Variants in AFF2 observed in about 807,000 individuals in gnomAD.
The protein encoded by AFF2 is ALF transcription elongation factor 2.
Under a neutral mutation model 76.9 loss-of-function variants are expected in AFF2, and 14 were observed. That is an observed-to-expected ratio of 0.18 (90% CI 0.12 to 0.28). The LOEUF is 0.28. Among genes scored for constraint, AFF2 ranks in the 10% least tolerant of loss-of-function variants. The pLI is 1.00. For synonymous variants in AFF2, 398 were observed against 366.7 expected (o/e 1.09, Z -0.98); for missense variants, 868 against 1,001.1 (o/e 0.87, Z 1.79).
chrX:148,647,007 T>C (rs1166536468), intron 1 of AFF2, among the ~76,000 whole-genome samples: 1 of 112,249 alleles, frequency 8.9e-6, no homozygotes, highest in Non-Finnish European at 1.9e-5. Flanking sequence ...AGAAGTTATG[T>C]AGAGATTAGA....
At chrX:148,692,004 A>T (rs782472443) in intron 3 of AFF2, among the ~76,000 whole-genome samples, 1 of 106,520 alleles carries the variant, frequency 9.4e-6, no homozygotes, top group East Asian at 3.0e-4. Context: ...ACTTGAGATT[A>T]TTAGTTTAAA....
chrX:148,845,256 TC>T (rs782275545), intron 7 of AFF2, among the ~76,000 whole-genome samples: 1 of 111,433 alleles, frequency 9.0e-6, no homozygotes, highest in East Asian at 2.8e-4. Context: ...AGTATTAGGC[TC>T]CCACTGTGAA....
intron 18 of AFF2, among the ~76,000 whole-genome samples, chrX:148,979,064 A>T (rs1221002866): frequency 8.9e-6 from 1 of 112,057 alleles, no homozygotes; most frequent in Non-Finnish European, 1.9e-5. Flanking sequence ...CCAGGTAAAA[A>T]TTGCAAACAG....
chrX:148,580,684 G>C (rs781903749), intron 1 of AFF2, among the ~76,000 whole-genome samples: 2 of 109,444 alleles, frequency 1.8e-5, no homozygotes, highest in East Asian at 5.8e-4. Flanking sequence ...TTGAAGTTAG[G>C]CACATTTTTG....
At chrX:148,882,482 C>T (rs2071109039) in intron 7 of AFF2, among the ~76,000 whole-genome samples, 1 of 111,959 alleles carries the variant, frequency 8.9e-6, no homozygotes, top group Non-Finnish European at 1.9e-5. Context: ...AGACAACAGA[C>T]TTCACTAAGG....
At chrX:148,527,451 A>G (rs1042498859) in intron 1 of AFF2, among the ~76,000 whole-genome samples, 2 of 111,773 alleles carry the variant, frequency 1.8e-5, no homozygotes, top group African/African-American at 6.5e-5. Context: ...CTTTTTTTCT[A>G]TAAAGTATAT....
chrX:148,818,319 T>C (rs782253223), intron 4 of AFF2, among the ~76,000 whole-genome samples: 1 of 112,126 alleles, frequency 8.9e-6, no homozygotes, highest in Non-Finnish European at 1.9e-5. Flanking sequence ...CAAGCAACTA[T>C]AAGATGTAAT....
intron 16 of AFF2, among the ~76,000 whole-genome samples, 163 bp from the exon 17 acceptor site, chrX:148,977,770 G>A (rs1232337246): frequency 9.0e-6 from 1 of 111,222 alleles, no homozygotes; most frequent in Non-Finnish European, 1.9e-5. Context: ...CTCATTTTGT[G>A]TATGTTTTCG....
At chrX:148,528,958 C>T (rs1446081162) in intron 1 of AFF2, among the ~76,000 whole-genome samples, 3 of 110,960 alleles carry the variant, frequency 2.7e-5, no homozygotes, top group Non-Finnish European at 5.7e-5. Context: ...TGATTTAATG[C>T]GGATAAGTTA....
intron 3 of AFF2, among the ~76,000 whole-genome samples, chrX:148,727,561 A>G (rs942559801): frequency 4.5e-5 from 5 of 111,815 alleles, no homozygotes; most frequent in Non-Finnish European, 9.4e-5. Context: ...ACTGTCTCAT[A>G]GATTCTCACA....
intron 3 of AFF2, among the ~76,000 whole-genome samples, chrX:148,764,309 C>T (rs2124590541): frequency 8.9e-6 from 1 of 112,255 alleles, no homozygotes; most frequent in Non-Finnish European, 1.9e-5. Flanking sequence ...TAAGAGAGGA[C>T]ACTTATGCTG....
At position 148,816,997 on chromosome X, in the gene AFF2, G is replaced by T. The variant is rs1193609818; in HGVS notation, c.1086+7077G>T. ...TGTACCAGAAAAACAATATTTTTAT[G>T]GAAAAATTAAAGCTGTGACCAACAT... is the stretch of plus-strand genomic sequence containing the variant. On this transcript the variant is annotated intron_variant, in intron 4 of 20. Transcript: ENST00000370460. 3.7e-5 allele frequency among the ~76,000 whole-genome samples: 4 copies of T among 108,002 alleles called. No homozygotes were observed. In the Admixed American group the frequency reaches 4.0e-4, roughly 11 times the overall value. The allele number at this position is 108,002 out of a possible 115,157, so 93.8% of individuals were successfully genotyped here.
At chrX:148,622,546 A>G (rs781936790) in intron 1 of AFF2, among the ~76,000 whole-genome samples, 9 of 111,195 alleles carry the variant, frequency 8.1e-5, no homozygotes, top group Non-Finnish European at 1.1e-4. Context: ...CAACACCTAA[A>G]CTGGTTTTGA....
chrX:148,989,212 C>G, intron 20 of AFF2, among the ~76,000 whole-genome samples: 1 of 112,765 alleles, frequency 8.9e-6, no homozygotes, highest in Non-Finnish European at 1.9e-5. Context: ...GCATGTCTGC[C>G]TCTGCTATTT....
At chrX:148,758,576 G>A (rs1239570221) in intron 3 of AFF2, among the ~76,000 whole-genome samples, 1 of 111,697 alleles carries the variant, frequency 9.0e-6, no homozygotes, top group African/African-American at 3.3e-5. Flanking sequence ...GAATCATAAT[G>A]AGTATGTGGT....
intron 1 of AFF2, among the ~76,000 whole-genome samples, chrX:148,565,177 C>A (rs1194186133): frequency 1.8e-5 from 2 of 111,444 alleles, no homozygotes; most frequent in Admixed American, 1.9e-4. Context: ...AAAGATTATA[C>A]CATATTATAT....
At chrX:148,667,504 C>T (rs782366942) in intron 3 of AFF2, among the ~76,000 whole-genome samples, 18 of 112,022 alleles carry the variant, frequency 1.6e-4, no homozygotes, top group African/African-American at 5.8e-4. Flanking sequence ...CTGATAAAGA[C>T]GTACCTGAGT....
chrX:148,668,470 G>A (rs1357798726), intron 3 of AFF2, among the ~76,000 whole-genome samples: 3 of 112,528 alleles, frequency 2.7e-5, no homozygotes, highest in African/African-American at 9.7e-5. Context: ...TCTCCATGGG[G>A]GCCCCGCCTC....
chrX:148,810,145 C>T (rs782613382), intron 4 of AFF2, among the ~76,000 whole-genome samples: 3 of 111,948 alleles, frequency 2.7e-5, no homozygotes, highest in African/African-American at 9.7e-5. Context: ...CTGCCCTATC[C>T]ATTCCTACAT....
Sources: allele counts gnomAD v4.1 joint callset (sites outside exome capture counted in the v4.1 genomes callset), GRCh38; gene constraint gnomAD v4.1.1; transcripts MANE v1.5; gene names NCBI Gene and HGNC (gene_info 2026-07-23, HGNC 2026-07-21).